Variants in RIMS1 observed in about 807,000 individuals in gnomAD.
RIMS1 encodes the protein regulating synaptic membrane exocytosis 1.
In RIMS1, 83 loss-of-function variants were observed where a neutral mutation model predicts 214.1. The observed-to-expected ratio is 0.39, with a 90% confidence interval of 0.32 to 0.47. The LOEUF (loss-of-function observed/expected upper bound fraction) is 0.47. Ranked by LOEUF, RIMS1 falls within the 20% of genes least tolerant of loss-of-function variation. RIMS1 has a pLI of 0.99. For missense variants in RIMS1, 2,050 were observed against 2,161.8 expected, an observed-to-expected ratio of 0.95 and a Z score of 1.03; for synonymous variants, 793 against 786.8, an observed-to-expected ratio of 1.01 and a Z score of -0.13.
chr6:71,955,945 AT>A (rs1327490864), intron 1 of RIMS1, among the ~76,000 whole-genome samples: 1 of 152,176 alleles, frequency 6.6e-6, no homozygotes, highest in Non-Finnish European at 1.5e-5. Flanking sequence ...TTTCTTGCCA[AT>A]GTTTTAATTG....
intron 2 of RIMS1, among the ~76,000 whole-genome samples, chr6:71,988,893 A>G (rs1205558649): frequency 1.3e-5 from 2 of 152,216 alleles, no homozygotes; most frequent in Non-Finnish European, 2.9e-5. Flanking sequence ...ATTTGTTAAT[A>G]CAACAGCATC....
intron 4 of RIMS1, among the ~76,000 whole-genome samples, chr6:72,166,686 G>C (rs2046310046): frequency 6.7e-6 from 1 of 149,280 alleles, no homozygotes; most frequent in Admixed American, 6.8e-5. Context: ...GACCAGCTTA[G>C]GCAGCGTAAT....
intron 2 of RIMS1, among the ~76,000 whole-genome samples, chr6:71,979,506 T>C (rs553541335): frequency 3.0e-4 from 46 of 152,082 alleles, no homozygotes; most frequent in Non-Finnish European, 5.6e-4. Context: ...ATATAAATAT[T>C]GTCCATATAT....
intron 4 of RIMS1, among the ~76,000 whole-genome samples, chr6:72,128,400 C>A (rs1205295656): frequency 6.6e-6 from 1 of 150,896 alleles, no homozygotes; most frequent in Admixed American, 6.6e-5. Flanking sequence ...GCTTCTTGTC[C>A]TTTTTTAAAA....
At chr6:72,380,724 GTC>G (rs2098472198) in intron 29 of RIMS1, among the ~76,000 whole-genome samples, 1 of 151,930 alleles carries the variant, frequency 6.6e-6, no homozygotes, top group Non-Finnish European at 1.5e-5. Context: ...TTGAGATAGG[GTC>G]TCTCTGTGTT....
intron 2 of RIMS1, among the ~76,000 whole-genome samples, chr6:72,056,062 C>T (rs554036489): frequency 2.2e-5 from 3 of 135,656 alleles, no homozygotes; most frequent in Admixed American, 7.7e-5. Flanking sequence ...TACATATGCA[C>T]CATGGAATAC....
chr6:71,995,305 C>T (rs1664509679), intron 2 of RIMS1, among the ~76,000 whole-genome samples: 2 of 152,326 alleles, frequency 1.3e-5, no homozygotes, highest in Admixed American at 1.3e-4. Flanking sequence ...GCTAGTTCCT[C>T]AATCATTTCT....
chr6:72,120,287 C>A (rs2037985795), intron 4 of RIMS1, among the ~76,000 whole-genome samples: 1 of 151,808 alleles, frequency 6.6e-6, no homozygotes, highest in African/African-American at 2.4e-5. Flanking sequence ...AAAAGTGTTC[C>A]TATTTCTCCA....
intron 29 of RIMS1, 103 bp from the exon 30 acceptor site, chr6:72,390,495 G>A: frequency 7.9e-7 from 1 of 1,258,962 alleles, no homozygotes; most frequent in Non-Finnish European, 1.1e-6. Context: ...GATTAAATTT[G>A]TAATTATGTG....
intron 1 of RIMS1, among the ~76,000 whole-genome samples, chr6:71,938,122 A>G (rs1784992662): frequency 1.3e-5 from 2 of 152,252 alleles, no homozygotes; most frequent in South Asian, 2.1e-4. Flanking sequence ...GGTCCCAAGT[A>G]AGTCGAAAAC....
chr6:72,055,733 G>A lies in RIMS1; in HGVS notation c.246-41216G>A, dbSNP rs576351346. ...AATGAGATATCATCTCACTTCAGTCGAATGGCTATTATTAAACGTGAAAAA... is the reference window on the plus strand; with the variant it reads ...AATGAGATATCATCTCACTTCAGTCAAATGGCTATTATTAAACGTGAAAAA... On this transcript the variant is annotated intron_variant, in intron 2 of 33. Transcript: ENST00000521978. 9.2e-5 allele frequency among the ~76,000 whole-genome samples: 14 copies of A among 152,208 alleles called. No homozygotes were observed. The East Asian group carries it at 1.9e-3, about 21-fold the overall frequency.
rs545237765 is a variant in RIMS1, at chr6:72,360,028, A to G, written c.4366+26193A>G. On this transcript the variant is annotated intron_variant, in intron 29 of 33. Coordinates refer to ENST00000521978, the MANE Select transcript of RIMS1 (RefSeq NM_014989.7). ...CAAGTTGTATAAAATTTATCAGATA[A>G]GTTTATTTGCCTTAATTGGAGTGAT... Among the ~76,000 whole-genome samples the G allele has an allele frequency of 1.4e-4, 21 of 152,322 alleles. No individual in the cohort carries two copies. The South Asian group carries it at 3.9e-3, about 29-fold the overall frequency.
intron 23 of RIMS1, among the ~76,000 whole-genome samples, chr6:72,283,593 C>G (rs1289961284): frequency 2.0e-5 from 3 of 151,704 alleles, no homozygotes; most frequent in Admixed American, 6.6e-5. Flanking sequence ...GGGGACAAAT[C>G]AAAAAAAATC....
At chr6:72,157,857 T>A (rs1167813268) in intron 4 of RIMS1, among the ~76,000 whole-genome samples, 1 of 140,564 alleles carries the variant, frequency 7.1e-6, no homozygotes, top group Non-Finnish European at 1.6e-5. Flanking sequence ...TATATTAGCA[T>A]TCTATCTTTT....
chr6:72,140,311 G>A (rs2153880344), intron 4 of RIMS1, among the ~76,000 whole-genome samples: 1 of 152,218 alleles, frequency 6.6e-6, no homozygotes, highest in East Asian at 1.9e-4. Flanking sequence ...TATCTGCCAA[G>A]TAGTAACAGA....
chr6:72,258,295 TG>T lies in RIMS1; in HGVS notation c.2927+17del, dbSNP rs765519346. 2.1e-5 allele frequency: 34 copies of T among 1,611,404 alleles called. No homozygotes were observed. The highest frequency in any genetic ancestry group is 2.9e-5 in the Non-Finnish European group (34 of 1,178,164). The stretch of plus-strand genomic sequence containing the variant: ...GCCATTACAGAGGTAGGCTTTGAAA[TG>T]GGCTCAGTGTCCCTGACAGTACATT... On this transcript the variant is annotated intron_variant, in intron 17 of 33. Coordinates refer to ENST00000521978, the MANE Select transcript of RIMS1 (RefSeq NM_014989.7).
intron 2 of RIMS1, among the ~76,000 whole-genome samples, chr6:72,000,472 T>C (rs1461514508): frequency 6.6e-6 from 1 of 152,124 alleles, no homozygotes; most frequent in Non-Finnish European, 1.5e-5. Context: ...TCATTTTCTG[T>C]TTCTCTTCTC....
At chr6:72,399,254 A>G (rs1190966331) in intron 33 of RIMS1, among the ~76,000 whole-genome samples, 160 bp downstream of exon 33, 1 of 152,040 alleles carries the variant, frequency 6.6e-6, no homozygotes, top group Non-Finnish European at 1.5e-5. Flanking sequence ...AATATAAATA[A>G]TATATAATAT....
chr6:71,985,979 A>G (rs1799830250), intron 2 of RIMS1, among the ~76,000 whole-genome samples: 2 of 152,282 alleles, frequency 1.3e-5, no homozygotes, highest in Middle Eastern at 3.4e-3. Context: ...ACTTTAACAT[A>G]TGTCATCCTT....
Sources: allele counts gnomAD v4.1 joint callset (sites outside exome capture counted in the v4.1 genomes callset), GRCh38; gene constraint gnomAD v4.1.1; transcripts MANE v1.5; gene names NCBI Gene and HGNC (gene_info 2026-07-23, HGNC 2026-07-21).